Variants in ITPR2 observed in about 807,000 individuals in gnomAD.
ITPR2 encodes the protein inositol 1,4,5-trisphosphate receptor type 2.
Under a neutral mutation model 317.1 loss-of-function variants are expected in ITPR2, and 207 were observed. That is an observed-to-expected ratio of 0.65 (90% CI 0.58 to 0.73). The LOEUF (loss-of-function observed/expected upper bound fraction) is 0.73. ITPR2 is among the 30% of genes least tolerant of loss of function. The pLI, the probability that ITPR2 is intolerant of heterozygous loss-of-function variation, is 0.00. For missense variants in ITPR2, 2,613 were observed against 3,284.0 expected (o/e 0.80, Z 4.99); for synonymous variants, 1,156 against 1,149.1 (o/e 1.01, Z -0.12).
At chr12:26,642,583 C>T (rs1220207720) in intron 21 of ITPR2, among the ~76,000 whole-genome samples, 2 of 152,178 alleles carry the variant, frequency 1.3e-5, no homozygotes, top group African/African-American at 4.8e-5. Context: ...GTTCCTTATA[C>T]ATTACCCAGT....
intron 55 of ITPR2, among the ~76,000 whole-genome samples, chr12:26,360,983 G>A (rs1456513149): frequency 6.6e-6 from 1 of 152,066 alleles, no homozygotes; most frequent in African/African-American, 2.4e-5. Flanking sequence ...GGACGCCGAG[G>A]GCAGTGGATC....
chr12:26,640,178 T>C (rs1030596329), intron 21 of ITPR2, among the ~76,000 whole-genome samples: 1 of 152,160 alleles, frequency 6.6e-6, no homozygotes, highest in Admixed American at 6.5e-5. Flanking sequence ...ATAACTGTAG[T>C]AGACAGCTTA....
At chr12:26,421,821 CTCTG>C (rs1157847535) in intron 49 of ITPR2, among the ~76,000 whole-genome samples, 1 of 152,058 alleles carries the variant, frequency 6.6e-6, no homozygotes, top group Admixed American at 6.5e-5. Context: ...TTTTTTCTTA[CTCTG>C]TCTATTATTC....
At chr12:26,380,950 G>A (rs1939491050) in intron 55 of ITPR2, among the ~76,000 whole-genome samples, 1 of 152,154 alleles carries the variant, frequency 6.6e-6, no homozygotes, top group South Asian at 2.1e-4. Flanking sequence ...TCTCATTAAA[G>A]TATGACCTTT....
chr12:26,468,050 A>C (rs1942210647), intron 45 of ITPR2, among the ~76,000 whole-genome samples: 1 of 152,174 alleles, frequency 6.6e-6, no homozygotes, highest in African/African-American at 2.4e-5. Context: ...TTCCAGGATG[A>C]TATATAGCAC....
intron 21 of ITPR2, among the ~76,000 whole-genome samples, chr12:26,653,241 C>CTTTTTT (rs774729786): frequency 7.3e-4 from 76 of 103,568 alleles, no homozygotes; most frequent in South Asian, 2.1e-3. Flanking sequence ...TTGAATCTTT[C>CTTTTTT]TTTTTTTTTT....
Position 26,599,259 on chromosome 12 carries a change from A to T in ITPR2, c.3888T>A (p.Phe1296Leu), listed in dbSNP as rs376458138. ...NEISERVVQH[F>L]VHCIETHGRH... ...GGCCATGTGTCTCAATGCAGTGCACAAAGTGTTGTACAACTCTCTCGCTAA... is the reference window on the plus strand; with the variant it reads ...GGCCATGTGTCTCAATGCAGTGCACTAAGTGTTGTACAACTCTCTCGCTAA... The change falls in exon 30 of 57, where the codon TTT (phenylalanine) becomes TTA (leucine). Residue 1296 changes from phenylalanine to leucine, a missense_variant. Coordinates refer to ENST00000381340, the MANE Select transcript of ITPR2 (RefSeq NM_002223.4). 3.1e-6 allele frequency: 5 copies of T among 1,613,966 alleles called. No individual in the cohort carries two copies. Among genetic ancestry groups the T allele is most frequent in the African/African-American group, 2.7e-5 (2 of 74,922 alleles).
intron 36 of ITPR2, 69 bp from the exon 37 acceptor site, chr12:26,550,424 G>A: frequency 2.9e-6 from 2 of 700,956 alleles, no homozygotes; most frequent in East Asian, 5.5e-5. Flanking sequence ...AACATCAAAG[G>A]CCATAGGGGA....
Position 26,395,939 on chromosome 12 carries a change from C to G in ITPR2, c.7696+2937G>C, listed in dbSNP as rs542321900. Among the ~76,000 whole-genome samples the G allele has an allele frequency of 2.0e-5, 3 of 152,262 alleles. No homozygotes were observed. In the South Asian group the frequency reaches 6.2e-4, roughly 32 times the overall value. On this transcript the variant is annotated intron_variant, in intron 54 of 56. Transcript: ENST00000381340. ...GGTAATATACATCATACATAGTATT[C>G]ATTTTTTAAGAATAAAATGAAAAGA...
At chr12:26,498,747 A>G (rs537591195) in intron 37 of ITPR2, among the ~76,000 whole-genome samples, 1 of 152,336 alleles carries the variant, frequency 6.6e-6, no homozygotes, top group Non-Finnish European at 1.5e-5. Context: ...AGTCAGCATC[A>G]CTGTCTGAAA....
intron 5 of ITPR2, among the ~76,000 whole-genome samples, chr12:26,717,356 G>T (rs980088496): frequency 3.9e-5 from 6 of 152,186 alleles, no homozygotes; most frequent in Non-Finnish European, 8.8e-5. Context: ...GGATGATACG[G>T]AGGAGTCCAT....
At chr12:26,812,352 G>A (rs569551839) in intron 1 of ITPR2, among the ~76,000 whole-genome samples, 1 of 152,186 alleles carries the variant, frequency 6.6e-6, no homozygotes, top group Non-Finnish European at 1.5e-5. Context: ...GCCGAGGTGG[G>A]CAGATCACGA....
chr12:26,563,334 G>A (rs1412414794), intron 34 of ITPR2, among the ~76,000 whole-genome samples: 1 of 152,186 alleles, frequency 6.6e-6, no homozygotes, highest in African/African-American at 2.4e-5. Flanking sequence ...CACTTTGGGA[G>A]GCCGAGGCAG....
At chr12:26,757,340 C>T (rs773361726) in intron 2 of ITPR2, among the ~76,000 whole-genome samples, 5 of 151,902 alleles carry the variant, frequency 3.3e-5, no homozygotes, top group Non-Finnish European at 7.4e-5. Context: ...CTCAGCCTCC[C>T]GAGTAGCTGG....
chr12:26,497,824 C>A (rs1241095837), intron 37 of ITPR2, among the ~76,000 whole-genome samples: 1 of 151,984 alleles, frequency 6.6e-6, no homozygotes, highest in East Asian at 1.9e-4. Context: ...AATTCCCCTG[C>A]CTCAGCCTCC....
At chr12:26,705,044 C>A (rs1338234147) in intron 9 of ITPR2, among the ~76,000 whole-genome samples, 1 of 152,224 alleles carries the variant, frequency 6.6e-6, no homozygotes. Context: ...TCTAGCCGCA[C>A]TGCTAGGTAC....
At chr12:26,441,711 T>C (rs1333053635) in intron 46 of ITPR2, among the ~76,000 whole-genome samples, 1 of 152,080 alleles carries the variant, frequency 6.6e-6, no homozygotes, top group African/African-American at 2.4e-5. Context: ...TCAAATTCAA[T>C]CTATCCAATA....
intron 49 of ITPR2, chr12:26,421,194 C>T (rs1309878089): frequency 6.6e-6 from 1 of 152,046 alleles, no homozygotes; most frequent in Non-Finnish European, 1.5e-5. Flanking sequence ...AAAAACAAGG[C>T]CACATTTCTT....
At chr12:26,685,864 G>A (rs2136969132) in intron 11 of ITPR2, among the ~76,000 whole-genome samples, 1 of 152,268 alleles carries the variant, frequency 6.6e-6, no homozygotes, top group East Asian at 1.9e-4. Context: ...TTATTCAAAT[G>A]TACTAACTCA....
Sources: gnomAD v4.1 joint callset for allele counts (sites outside exome capture counted in the v4.1 genomes callset) on GRCh38, gnomAD v4.1.1 for gene constraint, MANE v1.5 for transcripts, NCBI Gene and HGNC (gene_info 2026-07-23, HGNC 2026-07-21) for gene names.